The following RBKS variants were observed in gnomAD, a reference collection of about 807,000 sequenced individuals.
RBKS encodes ribokinase.
RBKS carries 33 observed loss-of-function variants against 33.9 expected under a neutral mutation model. The ratio of observed to expected loss-of-function variants is 0.97; its 90% CI spans 0.74 to 1.30. RBKS has a LOEUF of 1.30. Among genes scored for constraint, RBKS ranks in the 50% most tolerant of loss-of-function variants. The probability of loss-of-function intolerance (pLI) is 0.00; values close to 1 mark genes in which losing one functional copy is unlikely to be tolerated. For missense variants in RBKS, 361 were observed against 392.6 expected (o/e 0.92, Z 0.68); for synonymous variants, 125 against 143.0 (o/e 0.87, Z 0.90).
Position 27,795,550 on chromosome 2 carries a change from C to T in RBKS, c.796-13762G>A, listed in dbSNP as rs182987616. Among the ~76,000 whole-genome samples the T allele has an allele frequency of 6.6e-6, 1 of 152,260 alleles. No individual in the cohort carries two copies. The highest frequency in any genetic ancestry group is 1.9e-4 in the East Asian group (1 of 5,186). On this transcript the variant is annotated intron_variant, in intron 7 of 7. Transcript: ENST00000302188. This position sits in a 1 kb window ranked among gnomAD's most constrained non-coding sequence, Gnocchi z 4.1. ...CCGGGTATTTATATACACACACACA[C>T]AACATTGACCTCATTTCATCTTCAC...
At chr2:27,856,819 C>T (rs1573067352) in intron 2 of RBKS, among the ~76,000 whole-genome samples, 1 of 152,152 alleles carries the variant, frequency 6.6e-6, no homozygotes, top group South Asian at 2.1e-4. Flanking sequence ...TAAGTCAGCA[C>T]CATCTGATTA....
At chr2:27,798,801 C>T (rs1433910663) in intron 7 of RBKS, among the ~76,000 whole-genome samples, 1 of 152,224 alleles carries the variant, frequency 6.6e-6, no homozygotes, top group African/African-American at 2.4e-5. Context: ...CATGGAGACA[C>T]CTCGGCTTGG....
chr2:27,808,934 A>C (rs765428411), intron 7 of RBKS, among the ~76,000 whole-genome samples: 1 of 151,982 alleles, frequency 6.6e-6, no homozygotes, highest in Non-Finnish European at 1.5e-5. Context: ...CCTATCACCC[A>C]CTTCACCCCA....
chr2:27,857,597 A>C (rs1213304668), intron 2 of RBKS, among the ~76,000 whole-genome samples: 6 of 152,330 alleles, frequency 3.9e-5, no homozygotes, highest in Non-Finnish European at 5.9e-5. Context: ...TTATTACAAG[A>C]AGTTTCCAAA....
intron 6 of RBKS, among the ~76,000 whole-genome samples, chr2:27,828,781 G>T (rs1678366169): frequency 1.3e-5 from 2 of 151,828 alleles, no homozygotes; most frequent in African/African-American, 2.4e-5. Context: ...ACTTCTAATT[G>T]GTTGTTTTTC....
Position 27,808,084 on chromosome 2 carries a change from G to A in RBKS, c.795+19483C>T, listed in dbSNP as rs560708652. Among the ~76,000 whole-genome samples, 21 of 152,268 alleles carry A rather than the reference G, an allele frequency of 1.4e-4. No individual in the cohort carries two copies. The East Asian group carries it at 3.9e-3, about 28-fold the overall frequency. On this transcript the variant is annotated intron_variant, in intron 7 of 7. Transcript: ENST00000302188. The stretch of plus-strand genomic sequence containing the variant: ...ATTATGTATTTCTATCTGGAATGAG[G>A]TTTATGAGGCTAAAGCCTTCTTTCA...
chr2:27,858,065 T>C (rs181962529), intron 2 of RBKS, among the ~76,000 whole-genome samples: 40 of 152,346 alleles, frequency 2.6e-4, no homozygotes, highest in African/African-American at 8.9e-4. Context: ...TGCTACAATG[T>C]TGTACCTCAA....
At chr2:27,839,534 G>C (rs1436721252) in intron 5 of RBKS, among the ~76,000 whole-genome samples, 4 of 152,132 alleles carry the variant, frequency 2.6e-5, no homozygotes, top group Non-Finnish European at 4.4e-5. Context: ...GATAGCGACA[G>C]AGAGTTTTGA....
intron 1 of RBKS, among the ~76,000 whole-genome samples, chr2:27,872,389 A>C (rs1394054074): frequency 6.6e-6 from 1 of 152,186 alleles, no homozygotes; most frequent in Non-Finnish European, 1.5e-5. Flanking sequence ...AAAAGACTAA[A>C]ATTCAGGTAT....
intron 4 of RBKS, among the ~76,000 whole-genome samples, chr2:27,846,276 A>C (rs766783305): frequency 2.4e-4 from 37 of 152,034 alleles, no homozygotes; most frequent in Non-Finnish European, 3.2e-4. Flanking sequence ...CCTCTGTTTT[A>C]ATTCATTCAT....
intron 7 of RBKS, among the ~76,000 whole-genome samples, chr2:27,824,873 T>C (rs934248683): frequency 1.3e-5 from 2 of 152,170 alleles, no homozygotes; most frequent in Admixed American, 6.5e-5. Context: ...TGGTGGCTCA[T>C]TGCCTATAAT....
intron 5 of RBKS, among the ~76,000 whole-genome samples, chr2:27,840,115 G>C (rs912772443): frequency 1.3e-5 from 2 of 150,788 alleles, no homozygotes; most frequent in African/African-American, 2.4e-5. Context: ...CGCCTCCTGG[G>C]TTCACACCAT....
intron 1 of RBKS, among the ~76,000 whole-genome samples, chr2:27,874,167 A>G (rs1226537130): frequency 6.6e-6 from 1 of 152,260 alleles, no homozygotes; most frequent in African/African-American, 2.4e-5. Context: ...ATCACTGTGT[A>G]GAAAGTACTA....
At chr2:27,846,454 C>G (rs1663622395) in intron 4 of RBKS, among the ~76,000 whole-genome samples, 1 of 152,166 alleles carries the variant, frequency 6.6e-6, no homozygotes, top group Non-Finnish European at 1.5e-5. Context: ...CAGGTGTGAG[C>G]CACTGTGCCA....
intron 7 of RBKS, among the ~76,000 whole-genome samples, chr2:27,803,568 T>C (rs534883269): frequency 2.0e-5 from 3 of 152,056 alleles, no homozygotes; most frequent in South Asian, 4.1e-4. Flanking sequence ...CATGTACTTA[T>C]AGTCCCGCCT....
chr2:27,801,462 TATACAC>T (rs1444323365), intron 7 of RBKS, among the ~76,000 whole-genome samples: 1,676 of 83,052 alleles, frequency 0.02, 29 homozygotes, highest in African/African-American at 0.056. Flanking sequence ...AGGGCCACAG[TATACAC>T]ACACACACAC....
At chr2:27,785,979 A>C (rs1677390684) in intron 7 of RBKS, among the ~76,000 whole-genome samples, 1 of 152,222 alleles carries the variant, frequency 6.6e-6, no homozygotes. Flanking sequence ...CTTATTATGG[A>C]AAAGTATGCA....
chr2:27,870,732 C>G, intron 1 of RBKS: 1 of 457,220 alleles, frequency 2.2e-6, no homozygotes, highest in Non-Finnish European at 4.4e-6. Context: ...AAACCAGAAG[C>G]TGTCCAGCCA....
At chr2:27,859,176 T>A (rs1663921944) in intron 1 of RBKS, among the ~76,000 whole-genome samples, 1 of 152,188 alleles carries the variant, frequency 6.6e-6, no homozygotes, top group South Asian at 2.1e-4. Flanking sequence ...TCATTTCACG[T>A]GCTCACTCAA....
Sources: allele counts gnomAD v4.1 joint callset (sites outside exome capture counted in the v4.1 genomes callset), GRCh38; gene constraint gnomAD v4.1.1; non-coding constraint Gnocchi (gnomAD v3.1); transcripts MANE v1.5; gene names NCBI Gene and HGNC (gene_info 2026-07-23, HGNC 2026-07-21).